Variants in TTC7A observed in about 807,000 individuals in gnomAD.
TTC7A encodes tetratricopeptide repeat domain 7A, also known as tetratricopeptide repeat protein 7A.
TTC7A carries 110 observed loss-of-function variants against 103.7 expected under a neutral mutation model. The observed-to-expected ratio is 1.06, with a 90% confidence interval of 0.91 to 1.24. The LOEUF (loss-of-function observed/expected upper bound fraction) is 1.24. TTC7A is among the 50% of genes most tolerant of loss of function. TTC7A has a pLI of 0.00. For synonymous variants in TTC7A, 521 were observed against 467.9 expected (o/e 1.11, Z -1.47); for missense variants, 1,340 against 1,116.3 (o/e 1.20, Z -2.86).
At chr2:47,019,049 G>A (rs1366177838) in intron 11 of TTC7A, among the ~76,000 whole-genome samples, 2 of 152,172 alleles carry the variant, frequency 1.3e-5, no homozygotes, top group African/African-American at 4.8e-5. Context: ...AAATTCTCAA[G>A]GGCTTTAGGA....
intron 1 of TTC7A, 102 bp from the exon 2 acceptor site, chr2:46,950,261 T>G (rs531016503): frequency 8.3e-7 from 1 of 1,205,702 alleles, no homozygotes; most frequent in African/African-American, 1.5e-5. Context: ...GAGCCATTCA[T>G]GTACTGGGTA....
chr2:46,945,917 G>A (rs866656511), intron 1 of TTC7A, among the ~76,000 whole-genome samples: 4 of 152,306 alleles, frequency 2.6e-5, no homozygotes, highest in Admixed American at 6.5e-5. Flanking sequence ...CACTGTGCCC[G>A]TTTGCCCCAG....
At chr2:47,043,685 T>C (rs1682007358) in intron 15 of TTC7A, among the ~76,000 whole-genome samples, 1 of 152,048 alleles carries the variant, frequency 6.6e-6, no homozygotes, top group Non-Finnish European at 1.5e-5. Flanking sequence ...CAAATCTGGA[T>C]CCTCCCAGGA....
chr2:47,050,222 C>T (rs1353474446), intron 17 of TTC7A, 176 bp downstream of exon 17: 3 of 609,408 alleles, frequency 4.9e-6, no homozygotes, highest in Non-Finnish European at 8.9e-6. Flanking sequence ...TAGGGGCTGG[C>T]TGCTGGTCCC....
intron 5 of TTC7A, among the ~76,000 whole-genome samples, chr2:46,987,399 G>T (rs148972914): frequency 1.6e-3 from 250 of 152,330 alleles, no homozygotes; most frequent in Middle Eastern, 3.4e-3. Flanking sequence ...AAAGGGGAGG[G>T]GGACCGTGCA....
intron 3 of TTC7A, among the ~76,000 whole-genome samples, chr2:46,959,727 C>T (rs1422316084): frequency 6.6e-6 from 1 of 152,216 alleles, no homozygotes; most frequent in African/African-American, 2.4e-5. Context: ...AAATGTGCCT[C>T]TGTGTGTTAC....
chr2:46,929,136 C>T (rs578060057), intron 2 of TTC7A, among the ~76,000 whole-genome samples: 10 of 152,082 alleles, frequency 6.6e-5, no homozygotes, highest in Non-Finnish European at 1.5e-4. Context: ...GCACCCCAGC[C>T]TGGGGCAATA....
In TTC7A at chr2:47,033,455, G is replaced by A. The variant is rs550624258; in HGVS notation, c.1802+4071G>A. On this transcript the variant is annotated intron_variant, in intron 15 of 19. Transcript: ENST00000319190. Reference sequence around the variant, plus strand: ...TGGCAGAAGCTGGCTGGTGCTGGGCGTGGGCTTTGCCTGTTTCACTGCTTT... The same window carrying A: ...TGGCAGAAGCTGGCTGGTGCTGGGCATGGGCTTTGCCTGTTTCACTGCTTT... 2.6e-5 allele frequency among the ~76,000 whole-genome samples: 4 copies of A among 152,334 alleles called. No homozygotes were observed. The East Asian group carries it at 5.8e-4, about 22-fold the overall frequency.
At chr2:46,926,886 A>T (rs931336312) in intron 2 of TTC7A, among the ~76,000 whole-genome samples, 13 of 152,246 alleles carry the variant, frequency 8.5e-5, no homozygotes, top group African/African-American at 3.1e-4. Context: ...AAATTTAAAA[A>T]TTTTCACATG....
intron 8 of TTC7A, among the ~76,000 whole-genome samples, chr2:47,001,091 A>G (rs1676758149): frequency 6.6e-6 from 1 of 152,190 alleles, no homozygotes; most frequent in Admixed American, 6.5e-5. Flanking sequence ...TAGTCTTCTC[A>G]TCTGTAAAAT....
At chr2:47,015,278 CATTTAA>C (rs1678515029) in intron 11 of TTC7A, among the ~76,000 whole-genome samples, 1 of 152,180 alleles carries the variant, frequency 6.6e-6, no homozygotes, top group East Asian at 1.9e-4. Flanking sequence ...ATTTAAAATT[CATTTAA>C]CTTAAAAAGT....
intron 4 of TTC7A, among the ~76,000 whole-genome samples, chr2:46,977,046 G>GGA (rs148330017): frequency 0.062 from 9,446 of 152,272 alleles, 306 homozygotes; most frequent in Non-Finnish European, 0.073. Flanking sequence ...ATGTGGTTGG[G>GGA]AGGAAACTTT....
At chr2:46,967,452 T>G (rs1305155170) in intron 3 of TTC7A, among the ~76,000 whole-genome samples, 2 of 152,178 alleles carry the variant, frequency 1.3e-5, no homozygotes, top group Non-Finnish European at 2.9e-5. Flanking sequence ...TCTTCTATTT[T>G]CTGTTTTTAT....
chr2:46,999,703 T>C (rs1676596878), intron 8 of TTC7A: 1 of 985,462 alleles, frequency 1.0e-6, no homozygotes, highest in Non-Finnish European at 1.2e-6. Flanking sequence ...CCAGCCTGAT[T>C]TTCTGAGACA....
At chr2:47,018,183 A>C (rs1286066350) in intron 11 of TTC7A, among the ~76,000 whole-genome samples, 1 of 151,850 alleles carries the variant, frequency 6.6e-6, no homozygotes, top group Non-Finnish European at 1.5e-5. Flanking sequence ...AGGCTGAGAC[A>C]CAAGAATCAC....
Position 46,941,503 on chromosome 2 carries a change from C to T in TTC7A, c.-39C>T. 1 of 1,545,646 alleles carries T rather than the reference C, an allele frequency of 6.5e-7. No individual in the cohort carries two copies. The highest frequency in any genetic ancestry group is 1.4e-5 in the African/African-American group (1 of 72,590). ...GACGCCGCCCCCGGCCGGGTCTCCA[C>T]TTCTTGGCCGCACCTTCCATGACAG... On this transcript the variant is annotated 5_prime_UTR_variant, in exon 1 of 20. Transcript: ENST00000319190. The surrounding 1 kb of genome is among the most constrained non-coding windows in gnomAD (Gnocchi z 4.2).
chr2:46,919,353 G>A (rs1668981002), intron 2 of TTC7A, among the ~76,000 whole-genome samples: 1 of 152,140 alleles, frequency 6.6e-6, no homozygotes, highest in Admixed American at 6.5e-5. Context: ...GGCCAGCATG[G>A]TGAAACCCTG....
At chr2:47,003,683 A>C (rs900832373) in intron 8 of TTC7A, among the ~76,000 whole-genome samples, 1 of 152,122 alleles carries the variant, frequency 6.6e-6, no homozygotes, top group Non-Finnish European at 1.5e-5. Flanking sequence ...CTCCCATCAT[A>C]ACCTCTTGCT....
intron 19 of TTC7A, among the ~76,000 whole-genome samples, chr2:47,066,946 G>A (rs150703418): frequency 4.2e-4 from 64 of 152,268 alleles, no homozygotes; most frequent in African/African-American, 1.3e-3. Flanking sequence ...GTCAAAGATC[G>A]AGGGGCACAT....
Sources: gnomAD v4.1 joint callset for allele counts (sites outside exome capture counted in the v4.1 genomes callset) on GRCh38, gnomAD v4.1.1 for gene constraint, Gnocchi (gnomAD v3.1) non-coding constraint, MANE v1.5 for transcripts, NCBI Gene and HGNC (gene_info 2026-07-23, HGNC 2026-07-21) for gene names.